Variants in PDE10A observed in about 807,000 individuals in gnomAD.
PDE10A encodes the protein cAMP and cAMP-inhibited cGMP 3',5'-cyclic phosphodiesterase 10A.
A neutral mutation model predicts 97.7 loss-of-function variants in PDE10A; 39 were observed. The ratio of observed to expected loss-of-function variants is 0.40; its 90% CI spans 0.31 to 0.52. The LOEUF is 0.52. PDE10A is among the 20% of genes least tolerant of loss of function. The probability of loss-of-function intolerance (pLI) is 0.56; values close to 1 mark genes in which losing one functional copy is unlikely to be tolerated. For synonymous variants in PDE10A, 371 were observed against 376.8 expected (o/e 0.98, Z 0.18); for missense variants, 731 against 1,047.8 (o/e 0.70, Z 4.17).
chr6:165,610,710 T>G (rs1787454434), intron 1 of PDE10A, among the ~76,000 whole-genome samples: 1 of 152,192 alleles, frequency 6.6e-6, no homozygotes, highest in Non-Finnish European at 1.5e-5. Flanking sequence ...CTCATGGACA[T>G]CTCTCGTCTC....
chr6:165,842,436 C>T (rs139810649), intron 1 of PDE10A, among the ~76,000 whole-genome samples: 51 of 152,296 alleles, frequency 3.3e-4, no homozygotes, highest in South Asian at 1.7e-3. Flanking sequence ...GCTAAAGAAA[C>T]GTAGGCATTC....
chr6:165,605,717 C>T (rs1365242193), intron 1 of PDE10A, among the ~76,000 whole-genome samples: 2 of 152,006 alleles, frequency 1.3e-5, no homozygotes, highest in Non-Finnish European at 2.9e-5. Context: ...AATGCTTCGG[C>T]GCATGCAATG....
At chr6:165,609,587 A>G (rs1787392359) in intron 1 of PDE10A, among the ~76,000 whole-genome samples, 1 of 152,246 alleles carries the variant, frequency 6.6e-6, no homozygotes, top group Admixed American at 6.5e-5. Context: ...TGCAGACGAC[A>G]TGATTGTATA....
At chr6:165,825,169 G>GAAAA (rs35069499) in intron 1 of PDE10A, among the ~76,000 whole-genome samples, 1 of 140,598 alleles carries the variant, frequency 7.1e-6, no homozygotes, top group African/African-American at 2.7e-5. Context: ...AAAAGAAAAA[G>GAAAA]AAAAAAAAAG....
chr6:165,909,983 ACT>A (rs1782407403), intron 1 of PDE10A, among the ~76,000 whole-genome samples: 1 of 151,080 alleles, frequency 6.6e-6, no homozygotes, highest in Non-Finnish European at 1.5e-5. Flanking sequence ...TGTCCCCATC[ACT>A]CTCAACATAT....
intron 1 of PDE10A, among the ~76,000 whole-genome samples, chr6:165,610,530 CA>C (rs201763144): frequency 0.025 from 1,372 of 55,116 alleles, 10 homozygotes; most frequent in African/African-American, 0.076. Context: ...GACTCCGTCT[CA>C]AAAAAAAAAA....
rs1014920255 is a variant in PDE10A, at chr6:165,447,190, G to A, written c.1194+1738C>T. Among the ~76,000 whole-genome samples the A allele has an allele frequency of 4.6e-5, 7 of 152,138 alleles. No individual in the cohort carries two copies. The East Asian group carries it at 5.8e-4, about 13-fold the overall frequency. ...CGCAAAGTCAGCATTTTGGGCTCCCGTCCACTGTAGCCATAGGGTTCCTGC... is the reference window on the plus strand; with the variant it reads ...CGCAAAGTCAGCATTTTGGGCTCCCATCCACTGTAGCCATAGGGTTCCTGC... On this transcript the variant is annotated intron_variant, in intron 5 of 21. Coordinates refer to ENST00000539869, the MANE Select transcript of PDE10A (RefSeq NM_001385079.1).
At chr6:165,398,484 T>C (rs1355226788) in intron 13 of PDE10A, among the ~76,000 whole-genome samples, 1 of 100,726 alleles carries the variant, frequency 9.9e-6, no homozygotes, top group African/African-American at 4.0e-5. Flanking sequence ...CAAGACTCTC[T>C]CTCTCTCTCT....
At chr6:165,557,527 T>C (rs2128335012) in intron 1 of PDE10A, among the ~76,000 whole-genome samples, 1 of 152,298 alleles carries the variant, frequency 6.6e-6, no homozygotes, top group Non-Finnish European at 1.5e-5. Flanking sequence ...CCTTTCCACT[T>C]ATCAAAATAC....
At chr6:165,721,721 T>C (rs1792171814) in intron 1 of PDE10A, among the ~76,000 whole-genome samples, 1 of 152,242 alleles carries the variant, frequency 6.6e-6, no homozygotes, top group Non-Finnish European at 1.5e-5. Flanking sequence ...AATTGCTCAG[T>C]CTCCATTTGT....
chr6:165,750,943 G>C (rs1792984329), intron 1 of PDE10A, among the ~76,000 whole-genome samples: 2 of 152,182 alleles, frequency 1.3e-5, no homozygotes, highest in African/African-American at 4.8e-5. Context: ...GGGATGCTGA[G>C]ATGACCCACC....
intron 1 of PDE10A, among the ~76,000 whole-genome samples, chr6:165,763,240 T>C (rs940617399): frequency 6.6e-6 from 1 of 152,230 alleles, no homozygotes; most frequent in Non-Finnish European, 1.5e-5. Flanking sequence ...GCTCGCCTCG[T>C]TTTCTCCTTT....
At chr6:165,517,109 G>C (rs1390488516) in intron 2 of PDE10A, among the ~76,000 whole-genome samples, 2 of 152,056 alleles carry the variant, frequency 1.3e-5, no homozygotes, top group African/African-American at 4.8e-5. Flanking sequence ...CACACCTCTT[G>C]TGTCCAACAT....
chr6:165,701,120 G>T (rs557921153), intron 1 of PDE10A, among the ~76,000 whole-genome samples: 1 of 152,164 alleles, frequency 6.6e-6, no homozygotes, highest in African/African-American at 2.4e-5. Flanking sequence ...TCAGCTATGC[G>T]GTGTCTGACT....
At chr6:165,919,144 C>A (rs1309907395) in intron 1 of PDE10A, among the ~76,000 whole-genome samples, 9 of 152,216 alleles carry the variant, frequency 5.9e-5, no homozygotes. Context: ...CAAGCCAAGC[C>A]GGTTTCATGC....
chr6:165,985,913 C>T (rs528960839), intron 1 of PDE10A, among the ~76,000 whole-genome samples: 3 of 149,792 alleles, frequency 2.0e-5, no homozygotes, highest in African/African-American at 4.9e-5. Context: ...AATCAGCTCA[C>T]TCCCACCCCA....
intron 1 of PDE10A, among the ~76,000 whole-genome samples, chr6:165,929,888 C>T (rs1347692394): frequency 6.6e-6 from 1 of 151,870 alleles, no homozygotes; most frequent in Non-Finnish European, 1.5e-5. Context: ...AGAGAGTGCT[C>T]CCTAATGACC....
intron 1 of PDE10A, among the ~76,000 whole-genome samples, chr6:165,599,234 G>A (rs1197339957): frequency 1.3e-5 from 2 of 152,176 alleles, no homozygotes; most frequent in African/African-American, 2.4e-5. Context: ...ACTAAAACAA[G>A]CAAACACAAA....
At chr6:165,536,838 C>T (rs1206330011) in intron 2 of PDE10A, among the ~76,000 whole-genome samples, 2 of 151,868 alleles carry the variant, frequency 1.3e-5, no homozygotes, top group African/African-American at 4.8e-5. Context: ...TGCTCGTACG[C>T]TATTGGTAGG....
Sources: gnomAD v4.1 joint callset for allele counts (sites outside exome capture counted in the v4.1 genomes callset) on GRCh38, gnomAD v4.1.1 for gene constraint, MANE v1.5 for transcripts, NCBI Gene and HGNC (gene_info 2026-07-23, HGNC 2026-07-21) for gene names.